Variants in RIMS2 observed in about 807,000 individuals in gnomAD.
The protein encoded by RIMS2 is regulating synaptic membrane exocytosis 2.
Under a neutral mutation model 174.4 loss-of-function variants are expected in RIMS2, and 59 were observed. That is an observed-to-expected ratio of 0.34 (90% confidence interval 0.27 to 0.42). The LOEUF (loss-of-function observed/expected upper bound fraction) is 0.42. Ranked by LOEUF, RIMS2 falls within the 10% of genes least tolerant of loss-of-function variation. RIMS2 has a pLI of 1.00. For missense variants in RIMS2, 1,620 were observed against 1,666.3 expected (o/e 0.97, Z 0.48); for synonymous variants, 606 against 572.5 (o/e 1.06, Z -0.84).
intron 19 of RIMS2, among the ~76,000 whole-genome samples, chr8:104,233,426 AT>A (rs981451920): frequency 1.3e-5 from 2 of 152,192 alleles, no homozygotes; most frequent in African/African-American, 2.4e-5. Context: ...AAAAATTCCC[AT>A]TTAGAAAGGA....
At chr8:103,858,710 T>C (rs1214956853) in intron 3 of RIMS2, among the ~76,000 whole-genome samples, 5 of 143,194 alleles carry the variant, frequency 3.5e-5, no homozygotes, top group Admixed American at 1.4e-4. Context: ...TATATATATA[T>C]ACACATACCA....
At chr8:104,183,695 G>A (rs2098952718) in intron 19 of RIMS2, among the ~76,000 whole-genome samples, 1 of 151,504 alleles carries the variant, frequency 6.6e-6, no homozygotes, top group Non-Finnish European at 1.5e-5. Context: ...ATTGAATTCT[G>A]AACAGCTCAT....
At chr8:104,096,283 C>A (rs781339362) in intron 19 of RIMS2, among the ~76,000 whole-genome samples, 12 of 152,122 alleles carry the variant, frequency 7.9e-5, no homozygotes, top group Non-Finnish European at 1.8e-4. Context: ...GAGCCCAGAT[C>A]CCACGCTGCC....
chr8:104,223,868 A>G lies in RIMS2; in HGVS notation c.3335-21048A>G, dbSNP rs1333946527. On this transcript the variant is annotated intron_variant, in intron 19 of 23. Coordinates refer to ENST00000504942, the Ensembl canonical transcript of RIMS2. ...CGGTGGCTGGAGGGTTGGCCGGGGCAGAGAGAACTCCACGTAGCAGTGTCC... is the reference window on the plus strand; with the variant it reads ...CGGTGGCTGGAGGGTTGGCCGGGGCGGAGAGAACTCCACGTAGCAGTGTCC... The G allele has an allele frequency of 1.1e-4, 135 of 1,234,726 alleles. 1 individual carries two copies. Among genetic ancestry groups the G allele is most frequent in the Non-Finnish European group, 1.4e-4 (126 of 870,674 alleles). The allele number at this position is 1,234,726 out of a possible 1,614,324, so 76.5% of individuals were successfully genotyped here. A position where few individuals can be genotyped will look rare whatever the true frequency, so the allele number is the denominator to read the frequency against.
rs184751538 is a variant in RIMS2 at position 104,224,118 on chromosome 8, A to T, written c.3335-20798A>T. On this transcript the variant is annotated intron_variant, in intron 19 of 23. Coordinates refer to ENST00000504942, the Ensembl canonical transcript of RIMS2. Reference sequence around the variant, plus strand: ...GGTGCACCCCACTCTGTTTTGGTTTACCCTTCGCAGTCCGGGTATTAGCAT... The same window carrying T: ...GGTGCACCCCACTCTGTTTTGGTTTTCCCTTCGCAGTCCGGGTATTAGCAT... Among the ~76,000 whole-genome samples the T allele has an allele frequency of 4.7e-3, 714 of 152,238 alleles. 3 individuals carry two copies. Among genetic ancestry groups the T allele is most frequent in the South Asian group, 0.019 (94 of 4,828 alleles).
chr8:103,599,549 C>T (rs117358760), intron 1 of RIMS2, among the ~76,000 whole-genome samples: 18,752 of 151,388 alleles, frequency 0.12, 1,257 homozygotes, highest in Middle Eastern at 0.22. Context: ...GGTGATCCTC[C>T]CACCTCAGCC....
intron 4 of RIMS2, among the ~76,000 whole-genome samples, chr8:103,905,662 CTT>C (rs34565524): frequency 1.8e-3 from 258 of 144,972 alleles, no homozygotes; most frequent in African/African-American, 2.6e-3. Context: ...TCTTTGAATA[CTT>C]TTTTTTTTTT....
Position 104,251,009 on chromosome 8 carries a change from GTT to G in RIMS2, c.3692-12_3692-11del, listed in dbSNP as rs750717497. ...TAGTTTATTGCTCATTCTCCTCTGT[GTT>G]TTCTTTCCCAAGCACCGTATGTAAA... On this transcript the variant is annotated splice_polypyrimidine_tract_variant and intron_variant, in intron 22 of 23. Coordinates refer to ENST00000504942, the Ensembl canonical transcript of RIMS2. 1.2e-6 allele frequency: 2 copies of G among 1,608,816 alleles called. No individual in the cohort carries two copies. Among genetic ancestry groups the G allele is most frequent in the African/African-American group, 2.7e-5 (2 of 74,602 alleles).
At chr8:103,845,864 GTACC>G (rs1174877853) in intron 3 of RIMS2, among the ~76,000 whole-genome samples, 1 of 152,108 alleles carries the variant, frequency 6.6e-6, no homozygotes, top group African/African-American at 2.4e-5. Context: ...TAATATTTAA[GTACC>G]TACAACTTGC....
At chr8:104,203,886 G>GT in intron 19 of RIMS2, among the ~76,000 whole-genome samples, 1 of 152,184 alleles carries the variant, frequency 6.6e-6, no homozygotes, top group Admixed American at 6.5e-5. Flanking sequence ...ACATTCAAAC[G>GT]TTTTTTGCTT....
intron 3 of RIMS2, chr8:103,768,737 T>C: frequency 1.3e-6 from 1 of 764,440 alleles, no homozygotes; most frequent in Non-Finnish European, 2.4e-6. Flanking sequence ...GAAGATGATG[T>C]CCACCAGTAT....
intron 19 of RIMS2, among the ~76,000 whole-genome samples, chr8:104,128,840 C>A (rs562456372): frequency 1.3e-5 from 2 of 152,184 alleles, no homozygotes; most frequent in Admixed American, 1.3e-4. Flanking sequence ...AATAGTTACA[C>A]CTGTTTTAAA....
chr8:103,783,702 A>G (rs1461649901), intron 3 of RIMS2, among the ~76,000 whole-genome samples: 1 of 151,778 alleles, frequency 6.6e-6, no homozygotes, highest in Non-Finnish European at 1.5e-5. Context: ...AGTCTTTGCT[A>G]TTGTGAATAA....
intron 19 of RIMS2, among the ~76,000 whole-genome samples, chr8:104,061,984 G>C (rs1020409510): frequency 6.6e-6 from 1 of 151,878 alleles, no homozygotes; most frequent in Non-Finnish European, 1.5e-5. Context: ...TTCAAATGTG[G>C]TCAAAAATTT....
At chr8:103,517,077 A>T (rs938172624) in intron 1 of RIMS2, among the ~76,000 whole-genome samples, 1 of 152,224 alleles carries the variant, frequency 6.6e-6, no homozygotes, top group Non-Finnish European at 1.5e-5. Flanking sequence ...AATAGGACAC[A>T]GTCTCTGCCC....
At chr8:103,613,407 A>G (rs185806523) in intron 1 of RIMS2, among the ~76,000 whole-genome samples, 2 of 152,070 alleles carry the variant, frequency 1.3e-5, no homozygotes, top group Non-Finnish European at 2.9e-5. Flanking sequence ...CTTCCATAAA[A>G]TTGTGGTGAA....
intron 3 of RIMS2, among the ~76,000 whole-genome samples, chr8:103,785,172 G>T (rs2098430662): frequency 6.9e-6 from 1 of 144,844 alleles, no homozygotes; most frequent in African/African-American, 2.6e-5. Flanking sequence ...ATTTTGGGCT[G>T]AGACGATGGG....
intron 1 of RIMS2, chr8:103,558,986 C>T (rs1440345554): frequency 9.4e-5 from 14 of 149,410 alleles, no homozygotes. Flanking sequence ...TCAAAGGTGA[C>T]CATGTGTTTA....
At chr8:103,965,909 AT>A (rs113962824) in intron 15 of RIMS2, among the ~76,000 whole-genome samples, 48 of 151,254 alleles carry the variant, frequency 3.2e-4, no homozygotes, top group East Asian at 1.7e-3. Flanking sequence ...TAGTCATGTG[AT>A]TTTTTTTTAT....
Sources: allele counts gnomAD v4.1 joint callset (sites outside exome capture counted in the v4.1 genomes callset), GRCh38; gene constraint gnomAD v4.1.1; transcripts MANE v1.5; gene names NCBI Gene and HGNC (gene_info 2026-07-23, HGNC 2026-07-21).